Variants in SLC8A1 observed in about 807,000 individuals in gnomAD.
SLC8A1 encodes the protein sodium/calcium exchanger 1.
SLC8A1 carries 18 observed loss-of-function variants against 68.3 expected under a neutral mutation model. The ratio of observed to expected loss-of-function variants is 0.26; its 90% CI spans 0.18 to 0.39. SLC8A1 has a LOEUF of 0.39. Among genes scored for constraint, SLC8A1 ranks in the 10% least tolerant of loss-of-function variants. The pLI is 1.00. For synonymous variants in SLC8A1, 475 were observed against 415.5 expected (o/e 1.14, Z -1.74); for missense variants, 985 against 1,156.7 (o/e 0.85, Z 2.15).
exon 2 of SLC8A1, chr2:40,428,879 G>A (rs139258686): frequency 1.2e-6 from 2 of 1,613,650 alleles, no homozygotes; most frequent in Admixed American, 1.7e-5. Context: ...GTATCACCAG[G>A]CTTAAACACC....
chr2:40,215,622 C>A (rs1317363482), intron 2 of SLC8A1, among the ~76,000 whole-genome samples: 1 of 119,966 alleles, frequency 8.3e-6, no homozygotes, highest in African/African-American at 3.3e-5. Flanking sequence ...CCGGCCTGGG[C>A]GACAAAGCGA....
At chr2:40,423,574 C>T (rs960344351) in intron 2 of SLC8A1, among the ~76,000 whole-genome samples, 4 of 151,850 alleles carry the variant, frequency 2.6e-5, no homozygotes, top group South Asian at 2.1e-4. Context: ...GAAAAGAGCC[C>T]GTAATTTAAA....
intron 2 of SLC8A1, among the ~76,000 whole-genome samples, chr2:40,259,516 C>T (rs2064403462): frequency 6.6e-6 from 1 of 152,120 alleles, no homozygotes; most frequent in Non-Finnish European, 1.5e-5. Flanking sequence ...GGGTCTCATT[C>T]TGTGCCCAGG....
At chr2:40,478,128 T>G (rs557668174) in intron 1 of SLC8A1, among the ~76,000 whole-genome samples, 2 of 152,186 alleles carry the variant, frequency 1.3e-5, no homozygotes, top group Non-Finnish European at 2.9e-5. Context: ...TATTCTGTTT[T>G]CTGAAAATAC....
At chr2:40,206,748 G>A (rs558004767) in intron 2 of SLC8A1, among the ~76,000 whole-genome samples, 11 of 152,060 alleles carry the variant, frequency 7.2e-5, no homozygotes, top group African/African-American at 2.6e-4. Flanking sequence ...ATGGTTGAGG[G>A]GGTTTGAAGG....
intron 2 of SLC8A1, among the ~76,000 whole-genome samples, chr2:40,378,633 T>G (rs1680722280): frequency 1.3e-5 from 2 of 152,114 alleles, no homozygotes; most frequent in East Asian, 1.9e-4. Context: ...GATAACAGTT[T>G]GTACCTTTCC....
intron 1 of SLC8A1, among the ~76,000 whole-genome samples, chr2:40,437,139 G>A (rs1699586899): frequency 6.6e-6 from 1 of 152,294 alleles, no homozygotes; most frequent in East Asian, 1.9e-4. Flanking sequence ...TTAAGTGACA[G>A]AACTAGAATT....
chr2:40,261,121 G>A (rs1040387879), intron 2 of SLC8A1, among the ~76,000 whole-genome samples: 1 of 152,142 alleles, frequency 6.6e-6, no homozygotes, highest in African/African-American at 2.4e-5. Flanking sequence ...CTGACTATGA[G>A]AATCTTCTGT....
chr2:40,158,105 C>T (rs562879999), intron 6 of SLC8A1, among the ~76,000 whole-genome samples: 59 of 152,214 alleles, frequency 3.9e-4, no homozygotes, highest in Middle Eastern at 3.4e-3. Flanking sequence ...CAGAAAATTG[C>T]ATAGCAAAGA....
intron 2 of SLC8A1, among the ~76,000 whole-genome samples, chr2:40,207,650 A>G (rs1383459050): frequency 1.3e-5 from 2 of 152,162 alleles, no homozygotes; most frequent in Non-Finnish European, 2.9e-5. Flanking sequence ...ATGATTGCTT[A>G]AAAAATATGG....
At chr2:40,505,420 A>G (rs1017365047) in intron 1 of SLC8A1, among the ~76,000 whole-genome samples, 6 of 151,920 alleles carry the variant, frequency 3.9e-5, no homozygotes, top group Admixed American at 3.3e-4. Flanking sequence ...CTTATTTCAC[A>G]TTGCATGCCT....
chr2:40,266,233 G>A (rs990072265), intron 2 of SLC8A1, among the ~76,000 whole-genome samples: 7 of 152,098 alleles, frequency 4.6e-5, no homozygotes, highest in Non-Finnish European at 7.4e-5. Flanking sequence ...TAAAACTACA[G>A]AAGTACCATA....
intron 2 of SLC8A1, among the ~76,000 whole-genome samples, chr2:40,402,684 C>T (rs1040749861): frequency 6.6e-6 from 1 of 152,152 alleles, no homozygotes; most frequent in African/African-American, 2.4e-5. Flanking sequence ...TTATGGCCAT[C>T]ATCTTTTCCA....
chr2:40,391,525 G>T (rs565043501), intron 2 of SLC8A1, among the ~76,000 whole-genome samples: 75 of 152,030 alleles, frequency 4.9e-4, no homozygotes, highest in Non-Finnish European at 9.6e-4. Flanking sequence ...GAGCCATAAG[G>T]AATTTGACAG....
intron 4 of SLC8A1, among the ~76,000 whole-genome samples, chr2:40,170,590 G>C (rs1465910068): frequency 1.3e-5 from 2 of 152,122 alleles, no homozygotes; most frequent in Non-Finnish European, 2.9e-5. Context: ...AAACAAGACT[G>C]TGTCAACAAA....
chr2:40,126,701 A>G (rs1237416813), intron 7 of SLC8A1, among the ~76,000 whole-genome samples: 2 of 152,142 alleles, frequency 1.3e-5, no homozygotes, highest in Non-Finnish European at 2.9e-5. Flanking sequence ...AAAGTTTCCT[A>G]TTAAAATACC....
At chr2:40,336,356 C>T (rs1176796955) in intron 2 of SLC8A1, among the ~76,000 whole-genome samples, 1 of 152,104 alleles carries the variant, frequency 6.6e-6, no homozygotes, top group Non-Finnish European at 1.5e-5. Flanking sequence ...AGGATTTAAC[C>T]AAGACAACAA....
chr2:40,312,833 C>T (rs2073910585), intron 2 of SLC8A1, among the ~76,000 whole-genome samples: 1 of 152,042 alleles, frequency 6.6e-6, no homozygotes, highest in African/African-American at 2.4e-5. Context: ...CAGTTACTCC[C>T]ATGTTCTAGA....
chr2:40,436,209 C>T (rs1699383895), intron 1 of SLC8A1, among the ~76,000 whole-genome samples: 1 of 152,038 alleles, frequency 6.6e-6, no homozygotes, highest in Non-Finnish European at 1.5e-5. Flanking sequence ...GTTCCTAGAG[C>T]ACAGCCTGGC....
Sources: gnomAD v4.1 joint callset for allele counts (sites outside exome capture counted in the v4.1 genomes callset) on GRCh38, gnomAD v4.1.1 for gene constraint, MANE v1.5 for transcripts, NCBI Gene and HGNC (gene_info 2026-07-23, HGNC 2026-07-21) for gene names.